The following CUX2 variants were observed in gnomAD, a reference collection of about 807,000 sequenced individuals.
The protein encoded by CUX2 is cut like homeobox 2.
Under a neutral mutation model 144.8 loss-of-function variants are expected in CUX2, and 40 were observed. The observed-to-expected ratio is 0.28, with a 90% CI of 0.21 to 0.36. The LOEUF is 0.36. CUX2 is among the 10% of genes least tolerant of loss of function. The pLI, the probability that CUX2 is intolerant of heterozygous loss-of-function variation, is 1.00. For missense variants in CUX2, 1,615 were observed against 1,994.0 expected (o/e 0.81, Z 3.62); for synonymous variants, 827 against 875.6 (o/e 0.94, Z 0.98).
intron 18 of CUX2, among the ~76,000 whole-genome samples, chr12:111,331,328 C>T (rs1312379809): frequency 6.6e-6 from 1 of 152,164 alleles, no homozygotes; most frequent in East Asian, 1.9e-4. Context: ...AGCTGTCATA[C>T]ATTTTAATGG....
intron 4 of CUX2, among the ~76,000 whole-genome samples, chr12:111,271,423 A>G (rs1884643108): frequency 6.6e-6 from 1 of 152,144 alleles, no homozygotes; most frequent in Admixed American, 6.6e-5. Context: ...GACATGAAGC[A>G]CTCATATTTC....
Position 111,246,095 on chromosome 12 carries a change from G to T in CUX2, c.223-17666G>T, listed in dbSNP as rs779108896. 2.6e-5 allele frequency among the ~76,000 whole-genome samples: 4 copies of T among 152,142 alleles called. No homozygotes were observed. The highest frequency in any genetic ancestry group is 4.8e-5 in the African/African-American group (2 of 41,440). On this transcript the variant is annotated intron_variant, in intron 3 of 21. Coordinates refer to ENST00000261726, the MANE Select transcript of CUX2 (RefSeq NM_015267.4). This position sits in a 1 kb window ranked among gnomAD's most constrained non-coding sequence, Gnocchi z 4.0. ...CTGTCTCCCGATCCCTACTCTGCCA[G>T]CTTTCCTAGCTGCATGACCCGGGGC... is the stretch of plus-strand genomic sequence containing the variant.
chr12:111,315,916 A>C (rs1466391275), intron 16 of CUX2, among the ~76,000 whole-genome samples: 2 of 152,166 alleles, frequency 1.3e-5, no homozygotes, highest in Admixed American at 1.3e-4. Flanking sequence ...ACCAGACTAC[A>C]CTTCCACATA....
chr12:111,334,202 A>G (rs1021738672), intron 18 of CUX2, among the ~76,000 whole-genome samples: 18 of 151,468 alleles, frequency 1.2e-4, no homozygotes, highest in Non-Finnish European at 2.9e-5. Flanking sequence ...AAAAAAAAAA[A>G]TTGCTAAGCA....
intron 1 of CUX2, among the ~76,000 whole-genome samples, chr12:111,187,143 G>A (rs1187949328): frequency 6.6e-6 from 1 of 152,202 alleles, no homozygotes; most frequent in Admixed American, 6.5e-5. Context: ...CAGAGCTGGG[G>A]CTATCCAGAT....
intron 1 of CUX2, among the ~76,000 whole-genome samples, chr12:111,079,908 A>G (rs1175103198): frequency 1.3e-5 from 2 of 152,180 alleles, no homozygotes; most frequent in Non-Finnish European, 2.9e-5. Flanking sequence ...CGCAGCACAC[A>G]GGAATTGCTC....
intron 12 of CUX2, among the ~76,000 whole-genome samples, 179 bp from the exon 13 acceptor site, chr12:111,308,106 C>T (rs1886690267): frequency 6.6e-6 from 1 of 152,214 alleles, no homozygotes; most frequent in Non-Finnish European, 1.5e-5. Flanking sequence ...GGTAACATCG[C>T]CACCTGTTAA....
chr12:111,124,263 A>C (rs1306447817), intron 1 of CUX2, among the ~76,000 whole-genome samples: 1 of 152,234 alleles, frequency 6.6e-6, no homozygotes, highest in African/African-American at 2.4e-5. Flanking sequence ...CTGACATGGG[A>C]GCCTTCAGAA....
At chr12:111,261,648 C>T (rs1592895066) in intron 3 of CUX2, among the ~76,000 whole-genome samples, 1 of 152,266 alleles carries the variant, frequency 6.6e-6, no homozygotes, top group South Asian at 2.1e-4. Flanking sequence ...TGCCTGTAAT[C>T]CCAGCACTGT....
At chr12:111,327,683 G>A (rs11615128) in intron 18 of CUX2, among the ~76,000 whole-genome samples, 20 of 152,188 alleles carry the variant, frequency 1.3e-4, no homozygotes, top group Non-Finnish European at 2.5e-4. Flanking sequence ...GAATGGCACA[G>A]GCAGCGGCTA....
rs1329613138 is a variant in CUX2, at chr12:111,341,830, T to A, written c.3436T>A (p.Ser1146Thr). The stretch of plus-strand genomic sequence containing the variant: ...CATCAGCACCGGCTCAGACAGTGAG[T>A]CCCCGGCCACCCGCTCAGAGTGCCC... ...GLISTGSDSESPATRSECPSP... is the reference protein window; with the variant it reads ...GLISTGSDSETPATRSECPSP... Residue 1146 changes from serine (S) to threonine (T), a missense_variant, in exon 21 of 22, where the codon TCC becomes ACC. This residue lies in a region of CUX2 where 131 missense variants were observed against 223.1 expected (regional missense o/e 0.59). Coordinates refer to ENST00000261726, the MANE Select transcript of CUX2 (RefSeq NM_015267.4). The A allele has an allele frequency of 1.2e-6, 2 of 1,612,362 alleles. No individual in the cohort carries two copies. Among genetic ancestry groups the A allele is most frequent in the Non-Finnish European group, 1.7e-6 (2 of 1,179,730 alleles).
intron 18 of CUX2, among the ~76,000 whole-genome samples, chr12:111,324,842 G>A (rs1024947470): frequency 2.6e-5 from 4 of 152,164 alleles, no homozygotes; most frequent in African/African-American, 7.2e-5. Context: ...TGGAAGTGAC[G>A]GGGGTGAAGT....
intron 3 of CUX2, among the ~76,000 whole-genome samples, chr12:111,238,604 C>G (rs1449464636): frequency 6.6e-6 from 1 of 152,208 alleles, no homozygotes; most frequent in Non-Finnish European, 1.5e-5. Flanking sequence ...GCTCAAGAGT[C>G]CTTGCCCTTA....
At chr12:111,156,447 C>G (rs987929009) in intron 1 of CUX2, among the ~76,000 whole-genome samples, 1 of 152,172 alleles carries the variant, frequency 6.6e-6, no homozygotes, top group African/African-American at 2.4e-5. Flanking sequence ...TTTCTAGAAC[C>G]TGTTTTTCAG....
chr12:111,222,408 T>G (rs575443301), intron 3 of CUX2, among the ~76,000 whole-genome samples: 1 of 152,330 alleles, frequency 6.6e-6, no homozygotes, highest in African/African-American at 2.4e-5. Flanking sequence ...GGGCCACTGT[T>G]GGGAGATTTT....
chr12:111,281,838 G>T (rs1231291137), intron 4 of CUX2, among the ~76,000 whole-genome samples: 2 of 152,200 alleles, frequency 1.3e-5, no homozygotes, highest in African/African-American at 4.8e-5. Context: ...TTAGGGGAAG[G>T]CCCGTGAAGG....
intron 1 of CUX2, among the ~76,000 whole-genome samples, chr12:111,180,560 T>G (rs1262202962): frequency 6.6e-6 from 1 of 152,242 alleles, no homozygotes; most frequent in Non-Finnish European, 1.5e-5. Context: ...AAGGAAAGGT[T>G]AGGGGACACA....
At chr12:111,195,537 G>A (rs746462324) in intron 1 of CUX2, among the ~76,000 whole-genome samples, 4 of 152,222 alleles carry the variant, frequency 2.6e-5, no homozygotes, top group South Asian at 2.1e-4. Context: ...TGCCAACATC[G>A]CTGGGAGAAC....
At chr12:111,223,477 G>A (rs1881959580) in intron 3 of CUX2, among the ~76,000 whole-genome samples, 1 of 152,130 alleles carries the variant, frequency 6.6e-6, no homozygotes, top group South Asian at 2.1e-4. Context: ...TTGAATCTGG[G>A]CCTGTGCCTA....
Sources: allele counts gnomAD v4.1 joint callset (sites outside exome capture counted in the v4.1 genomes callset), GRCh38; gene constraint gnomAD v4.1.1; regional missense constraint gnomAD v4.1.1; non-coding constraint Gnocchi (gnomAD v3.1); transcripts MANE v1.5; gene names NCBI Gene and HGNC (gene_info 2026-07-23, HGNC 2026-07-21).